COPS3: variants seen among roughly 807,000 people sequenced by gnomAD.
COPS3 encodes COP9 signalosome complex subunit 3.
Under a neutral mutation model 58.2 loss-of-function variants are expected in COPS3, and 10 were observed. That is an observed-to-expected ratio of 0.17 (90% CI 0.11 to 0.29). The LOEUF is 0.29. Ranked by LOEUF, COPS3 falls within the 10% of genes least tolerant of loss-of-function variation. The probability of loss-of-function intolerance (pLI) is 1.00; values close to 1 mark genes in which losing one functional copy is unlikely to be tolerated. For missense variants in COPS3, 333 were observed against 510.1 expected (o/e 0.65, Z 3.34); for synonymous variants, 187 against 181.7 (o/e 1.03, Z -0.24).
At chr17:17,255,440 T>C (rs1224706047) in intron 8 of COPS3, among the ~76,000 whole-genome samples, 1 of 146,354 alleles carries the variant, frequency 6.8e-6, no homozygotes, top group African/African-American at 2.6e-5. Context: ...GAGCTGAGAC[T>C]GCGCCACTGC....
rs16961505 is a variant in COPS3 at position 17,274,222 on chromosome 17, C to T, written c.185+1813G>A. On this transcript the variant is annotated intron_variant, in intron 2 of 11. Coordinates refer to ENST00000268717, the MANE Select transcript of COPS3 (RefSeq NM_003653.4). The stretch of plus-strand genomic sequence containing the variant: ...TTCTTCCAATTTTGAGTTGTGGGGC[C>T]CTGAGCTTCATATTTTTATTTATAA... Among the ~76,000 whole-genome samples, 1,429 of 152,100 alleles carry T rather than the reference C, an allele frequency of 9.4e-3. 21 individuals are homozygous for T. Among genetic ancestry groups the T allele is most frequent in the Admixed American group, 0.036 (545 of 15,264 alleles).
chr17:17,262,126 T>G lies in COPS3; in HGVS notation c.622-20A>C. 1 of 1,601,140 alleles carries G rather than the reference T, an allele frequency of 6.2e-7. No homozygotes were observed. Among genetic ancestry groups the G allele is most frequent in the Non-Finnish European group, 8.5e-7 (1 of 1,176,394 alleles). ...TATAGCCTAGGCAAGAGAAGAATGC[T>G]TGCTGTAAAGAGAACATACCACAGT... On this transcript the variant is annotated intron_variant, in intron 6 of 11. Transcript: ENST00000268717.
At chr17:17,264,014 T>G (rs2048168549) in intron 6 of COPS3, among the ~76,000 whole-genome samples, 1 of 152,216 alleles carries the variant, frequency 6.6e-6, no homozygotes, top group South Asian at 2.1e-4. Context: ...TGACACCATC[T>G]CTGCCTACTG....
At chr17:17,266,546 C>G (rs2048224471) in intron 5 of COPS3, among the ~76,000 whole-genome samples, 1 of 152,054 alleles carries the variant, frequency 6.6e-6, no homozygotes, top group Non-Finnish European at 1.5e-5. Context: ...CACCTGTAAT[C>G]CCAGCACTTT....
chr17:17,267,087 C>T (rs1292501163), intron 5 of COPS3, among the ~76,000 whole-genome samples: 2 of 151,174 alleles, frequency 1.3e-5, no homozygotes, highest in Non-Finnish European at 1.5e-5. Context: ...CCTGTAATCC[C>T]AGCACTTTGG....
At position 17,248,961 on chromosome 17, in the gene COPS3, T is replaced by C; in HGVS notation, c.1102A>G (p.Asn368Asp). Residue 368 changes from asparagine to aspartate, a missense_variant, in exon 10 of 12, where the codon AAT becomes GAT. Transcript: ENST00000268717. ...ATGTTATGAAGCATGGCTGGGTTATTATATTTTTCAGGGTTATCATGGAAA... is the reference window on the plus strand; with the variant it reads ...ATGTTATGAAGCATGGCTGGGTTATCATATTTTTCAGGGTTATCATGGAAA... ...VSFHDNPEKY[N>D]NPAMLHNIDQ... 1 of 1,609,684 alleles carries C rather than the reference T, an allele frequency of 6.2e-7. No homozygotes were observed.
At chr17:17,275,642 A>G (rs1176549455) in intron 2 of COPS3, among the ~76,000 whole-genome samples, 1 of 152,230 alleles carries the variant, frequency 6.6e-6, no homozygotes, top group East Asian at 1.9e-4. Flanking sequence ...AAATAAATAA[A>G]TAAATAAAAA....
chr17:17,276,280 T>C, intron 1 of COPS3, 116 bp from the exon 2 acceptor site: 1 of 1,350,760 alleles, frequency 7.4e-7, no homozygotes, highest in Non-Finnish European at 1.0e-6. Context: ...ATTCTTAATC[T>C]CCTTCACTTC....
At chr17:17,247,590 AG>A in intron 10 of COPS3, 30 bp from the exon 11 acceptor site, 1 of 1,611,838 alleles carries the variant, frequency 6.2e-7, no homozygotes, top group East Asian at 2.2e-5. Flanking sequence ...GAAGGTGGTC[AG>A]CGGCGGGTTT....
chr17:17,271,840 C>CTA (rs10653495), intron 2 of COPS3, among the ~76,000 whole-genome samples: 70,058 of 138,740 alleles, frequency 0.5, 18,200 homozygotes, highest in East Asian at 0.8. Flanking sequence ...CTATATATAT[C>CTA]TATATATATA....
At chr17:17,261,126 T>C (rs545608454) in intron 7 of COPS3, among the ~76,000 whole-genome samples, 1 of 152,262 alleles carries the variant, frequency 6.6e-6, no homozygotes, top group Admixed American at 6.5e-5. Flanking sequence ...TACTGATAAA[T>C]CATATAGAGA....
intron 8 of COPS3, chr17:17,255,172 C>T (rs187147441): frequency 3.3e-5 from 10 of 305,968 alleles, no homozygotes; most frequent in East Asian, 2.1e-4. Context: ...TGGTGGTGCA[C>T]GCCTGTAGTC....
intron 8 of COPS3, among the ~76,000 whole-genome samples, chr17:17,256,662 G>A (rs923366000): frequency 1.3e-5 from 2 of 152,048 alleles, no homozygotes; most frequent in Admixed American, 6.6e-5. Context: ...GTGCAGAGGC[G>A]CAATCACAGT....
chr17:17,259,368 T>A (rs936544055), intron 8 of COPS3, among the ~76,000 whole-genome samples: 27 of 152,152 alleles, frequency 1.8e-4, no homozygotes, highest in East Asian at 1.9e-4. Context: ...ACACAAAAAA[T>A]TTCATTTTTC....
intron 9 of COPS3, among the ~76,000 whole-genome samples, chr17:17,254,045 G>A (rs2047907187): frequency 6.6e-6 from 1 of 151,762 alleles, no homozygotes; most frequent in African/African-American, 2.4e-5. Context: ...AGTGGCTCAC[G>A]TATGTAATCC....
At chr17:17,268,751 G>A (rs1039875288) in intron 4 of COPS3, among the ~76,000 whole-genome samples, 9 of 151,742 alleles carry the variant, frequency 5.9e-5, no homozygotes, top group Non-Finnish European at 2.9e-5. Context: ...CCCGGGAGGC[G>A]GAGGTTGCAG....
Position 17,246,916 on chromosome 17 carries a change from C to A in COPS3, c.*182G>T. On this transcript the variant is annotated 3_prime_UTR_variant, in exon 12 of 12. Transcript: ENST00000268717. ...ACGACAGACTTTAAAGTTTGCAAAT[C>A]TGTTTCCTTTCTTTGCAGAGAAAAT... The A allele has an allele frequency of 3.3e-6, 2 of 599,446 alleles. No individual in the cohort carries two copies. The highest frequency in any genetic ancestry group is 5.5e-5 in the East Asian group (2 of 36,482). 37.1% of individuals were successfully genotyped at this position (599,446 alleles called of 1,614,324 possible). A position where few individuals can be genotyped will look rare whatever the true frequency, so the allele number is the denominator to read the frequency against.
rs189086740 is a variant in COPS3 at position 17,253,455 on chromosome 17, T to C, written c.1023+1404A>G. Among the ~76,000 whole-genome samples, 103 of 152,158 alleles carry C rather than the reference T, an allele frequency of 6.8e-4. 2 individuals carry two copies. In the East Asian group the frequency reaches 0.013, roughly 19 times the overall value. On this transcript the variant is annotated intron_variant, in intron 9 of 11. Transcript: ENST00000268717. ...ATCCAAATCAGGAGTGGTTGCCTGG[T>C]TGGGGTGGGGCTGAGAGTGGGGAAA...
In COPS3 at chr17:17,250,448, G is replaced by A. The variant is rs185746294; in HGVS notation, c.1024-1409C>T. On this transcript the variant is annotated intron_variant, in intron 9 of 11. Transcript: ENST00000268717. ...TTTTTTTATTTTTAGTAGAGATGACGTTTTGCCATGTTGGCCAGGCTGGGC... is the reference window on the plus strand; with the variant it reads ...TTTTTTTATTTTTAGTAGAGATGACATTTTGCCATGTTGGCCAGGCTGGGC... Among the ~76,000 whole-genome samples, 259 of 152,026 alleles carry A rather than the reference G, an allele frequency of 1.7e-3. 1 individual carries two copies. Among genetic ancestry groups the A allele is most frequent in the Non-Finnish European group, 3.1e-3 (213 of 67,972 alleles).
Sources: gnomAD v4.1 joint callset for allele counts (sites outside exome capture counted in the v4.1 genomes callset) on GRCh38, gnomAD v4.1.1 for gene constraint, MANE v1.5 for transcripts, NCBI Gene and HGNC (gene_info 2026-07-23, HGNC 2026-07-21) for gene names.